ERBB4: variants seen among roughly 807,000 people sequenced by gnomAD.
ERBB4 encodes the protein receptor tyrosine-protein kinase erbB-4.
ERBB4 carries 42 observed loss-of-function variants against 158.0 expected under a neutral mutation model. The observed-to-expected ratio is 0.27, with a 90% confidence interval of 0.21 to 0.34. ERBB4 has a LOEUF of 0.34. Ranked by LOEUF, ERBB4 falls within the 10% of genes least tolerant of loss-of-function variation. The pLI is 1.00. For synonymous variants in ERBB4, 583 were observed against 558.7 expected (o/e 1.04, Z -0.61); for missense variants, 1,333 against 1,624.1 (o/e 0.82, Z 3.08).
At chr2:211,432,167 G>C (rs528830958) in intron 20 of ERBB4, among the ~76,000 whole-genome samples, 1 of 152,248 alleles carries the variant, frequency 6.6e-6, no homozygotes, top group South Asian at 2.1e-4. Context: ...AAATGTTGAA[G>C]CATACTCTCA....
intron 1 of ERBB4, among the ~76,000 whole-genome samples, chr2:212,436,251 C>G (rs2092133274): frequency 6.6e-6 from 1 of 151,850 alleles, no homozygotes; most frequent in Non-Finnish European, 1.5e-5. Flanking sequence ...TGAACTGAAT[C>G]AATTCATTTA....
Position 211,449,779 on chromosome 2 carries a change from T to TTACA in ERBB4, c.2488-18680_2488-18679insTGTA, listed in dbSNP as rs1559179591. On this transcript the variant is annotated intron_variant, in intron 20 of 27. Coordinates refer to ENST00000342788, the MANE Select transcript of ERBB4 (RefSeq NM_005235.3). The stretch of plus-strand genomic sequence containing the variant: ...TAGTCTTTGCCTAGGGAAGGATAAC[T>TTACA]TGATTTCCATGTAAGTTACAGGCCT... Among the ~76,000 whole-genome samples the TTACA allele has an allele frequency of 2.0e-5, 3 of 152,182 alleles. No homozygotes were observed. In the East Asian group the frequency reaches 5.8e-4, roughly 29 times the overall value.
chr2:212,463,388 A>C (rs1407730525), intron 1 of ERBB4, among the ~76,000 whole-genome samples: 2 of 152,108 alleles, frequency 1.3e-5, no homozygotes, highest in Non-Finnish European at 2.9e-5. Flanking sequence ...GTGTCAATTA[A>C]AAATAATAAT....
rs371945532 is a variant in ERBB4 at position 212,307,785 on chromosome 2, T to C, written c.83-182882A>G. On this transcript the variant is annotated intron_variant, in intron 1 of 27. Coordinates refer to ENST00000342788, the MANE Select transcript of ERBB4 (RefSeq NM_005235.3). ...TTGCTTTAAATAGCAGGTAACATGA[T>C]GCAAATTAATATTTTCTTTTGAAAA... Among the ~76,000 whole-genome samples, 5 of 151,312 alleles carry C rather than the reference T, an allele frequency of 3.3e-5. No individual in the cohort carries two copies. In the East Asian group the frequency reaches 9.8e-4, roughly 30 times the overall value.
intron 1 of ERBB4, among the ~76,000 whole-genome samples, chr2:212,279,497 A>T (rs76928005): frequency 0.052 from 7,856 of 151,700 alleles, 268 homozygotes; most frequent in African/African-American, 0.092. Flanking sequence ...TATACTTACC[A>T]CATAATTATC....
At chr2:212,397,520 G>T (rs78806892) in intron 1 of ERBB4, among the ~76,000 whole-genome samples, 1 of 150,956 alleles carries the variant, frequency 6.6e-6, no homozygotes, top group Admixed American at 6.6e-5. Flanking sequence ...AGGGGGGAAG[G>T]GGGGAAGGGA....
At chr2:211,951,226 G>A (rs2080866159) in intron 2 of ERBB4, among the ~76,000 whole-genome samples, 1 of 152,212 alleles carries the variant, frequency 6.6e-6, no homozygotes, top group East Asian at 1.9e-4. Flanking sequence ...TCAAGATGGA[G>A]AAACACATTT....
chr2:211,961,172 A>G (rs2081170737), intron 2 of ERBB4, among the ~76,000 whole-genome samples: 1 of 152,130 alleles, frequency 6.6e-6, no homozygotes. Context: ...TATCACAATA[A>G]TAGAGAAAAA....
At chr2:212,444,873 C>T (rs1316885262) in intron 1 of ERBB4, among the ~76,000 whole-genome samples, 2 of 151,906 alleles carry the variant, frequency 1.3e-5, no homozygotes, top group East Asian at 3.9e-4. Flanking sequence ...CCTCTTCCAT[C>T]ATGGAAAGGG....
chr2:212,459,630 C>G (rs542015335), intron 1 of ERBB4, among the ~76,000 whole-genome samples: 1 of 152,058 alleles, frequency 6.6e-6, no homozygotes, highest in Non-Finnish European at 1.5e-5. Context: ...CTCAAATAGC[C>G]AAAGCTATCT....
intron 19 of ERBB4, among the ~76,000 whole-genome samples, chr2:211,591,697 A>C (rs1304545412): frequency 6.6e-6 from 1 of 152,004 alleles, no homozygotes; most frequent in African/African-American, 2.4e-5. Flanking sequence ...AAGCAAAGAG[A>C]GTCTCTTAAA....
intron 4 of ERBB4, among the ~76,000 whole-genome samples, chr2:211,765,856 T>C (rs2075539201): frequency 6.6e-6 from 1 of 152,246 alleles, no homozygotes; most frequent in South Asian, 2.1e-4. Flanking sequence ...GCATATGTTT[T>C]AAACGACTAG....
intron 3 of ERBB4, among the ~76,000 whole-genome samples, chr2:211,846,275 C>T (rs771552142): frequency 6.6e-6 from 1 of 151,988 alleles, no homozygotes; most frequent in Non-Finnish European, 1.5e-5. Context: ...TCTCCAGACA[C>T]TTTTTTTCAT....
At position 212,087,713 on chromosome 2, in the gene ERBB4, T is replaced by C. The variant is rs1468761635; in HGVS notation, c.234+37039A>G. ...CATTTGCATTAACTTCCCTCATCTA[T>C]AAAACATGTTTGCTGCACTAGATAC... On this transcript the variant is annotated intron_variant, in intron 2 of 27. Transcript: ENST00000342788. Among the ~76,000 whole-genome samples the C allele has an allele frequency of 2.0e-5, 3 of 152,166 alleles. No individual in the cohort carries two copies. The East Asian group carries it at 5.8e-4, about 29-fold the overall frequency.
At chr2:212,479,115 G>A (rs1689553870) in intron 1 of ERBB4, among the ~76,000 whole-genome samples, 1 of 152,110 alleles carries the variant, frequency 6.6e-6, no homozygotes, top group Non-Finnish European at 1.5e-5. Context: ...TTACATTACA[G>A]CCAATAACTT....
intron 1 of ERBB4, among the ~76,000 whole-genome samples, chr2:212,282,517 G>A (rs955011172): frequency 2.6e-5 from 4 of 151,882 alleles, no homozygotes; most frequent in South Asian, 2.1e-4. Context: ...CAGGGACCTC[G>A]AGTGTGTCCA....
intron 5 of ERBB4, among the ~76,000 whole-genome samples, chr2:211,729,094 C>A (rs1162520929): frequency 6.6e-6 from 1 of 151,616 alleles, no homozygotes; most frequent in African/African-American, 2.4e-5. Context: ...ATTATTTAAT[C>A]ATTTGTGTGG....
intron 1 of ERBB4, among the ~76,000 whole-genome samples, chr2:212,199,506 C>T (rs948592598): frequency 1.3e-5 from 2 of 152,148 alleles, no homozygotes; most frequent in East Asian, 1.9e-4. Flanking sequence ...CCACAACTTA[C>T]GGCTGCAGAG....
chr2:212,235,449 C>A (rs117351210), intron 1 of ERBB4, among the ~76,000 whole-genome samples: 5 of 152,044 alleles, frequency 3.3e-5, no homozygotes, highest in African/African-American at 1.2e-4. Context: ...CTTGGCTATC[C>A]GGGCTCTTTT....
Sources: allele counts gnomAD v4.1 joint callset (sites outside exome capture counted in the v4.1 genomes callset), GRCh38; gene constraint gnomAD v4.1.1; transcripts MANE v1.5; gene names NCBI Gene and HGNC (gene_info 2026-07-23, HGNC 2026-07-21).